The following CLTC variants were observed in gnomAD, a reference collection of about 807,000 sequenced individuals.
CLTC encodes clathrin heavy chain 1.
A neutral mutation model predicts 195.8 loss-of-function variants in CLTC; 16 were observed. That is an observed-to-expected ratio of 0.08 (90% CI 0.06 to 0.12). CLTC has a LOEUF of 0.12. Ranked by LOEUF, CLTC falls within the 10% of genes least tolerant of loss-of-function variation. CLTC has a pLI of 1.00. For missense variants in CLTC, 796 were observed against 2,027.0 expected, an observed-to-expected ratio of 0.39 and a Z score of 11.66; for synonymous variants, 667 against 689.4, an observed-to-expected ratio of 0.97 and a Z score of 0.51.
At chr17:59,638,706 C>T (rs775364485) in intron 1 of CLTC, among the ~76,000 whole-genome samples, 1 of 152,078 alleles carries the variant, frequency 6.6e-6, no homozygotes, top group East Asian at 1.9e-4. Context: ...AATCTAATGC[C>T]GTGGCTGAAA....
chr17:59,640,479 C>T (rs550232168), intron 1 of CLTC, among the ~76,000 whole-genome samples: 1 of 152,066 alleles, frequency 6.6e-6, no homozygotes, highest in African/African-American at 2.4e-5. Flanking sequence ...TCACTGCAAC[C>T]TCCGCCTCCC....
At chr17:59,658,982 A>G (rs897697246) in intron 6 of CLTC, among the ~76,000 whole-genome samples, 3 of 152,166 alleles carry the variant, frequency 2.0e-5, no homozygotes, top group Non-Finnish European at 4.4e-5. Context: ...GCAGACTGTT[A>G]CCTATCTATC....
chr17:59,684,101 G>C, intron 28 of CLTC, 116 bp downstream of exon 28: 2 of 637,136 alleles, frequency 3.1e-6, no homozygotes. Context: ...GCATACCTAG[G>C]ATCTAAATTT....
At chr17:59,633,412 G>C (rs1047284521) in intron 1 of CLTC, among the ~76,000 whole-genome samples, 2 of 152,242 alleles carry the variant, frequency 1.3e-5, no homozygotes, top group East Asian at 3.9e-4. Context: ...AGAATGGCTT[G>C]AACCCGGGAG....
Position 59,626,505 on chromosome 17 carries a change from G to C in CLTC, c.42+6332G>C, listed in dbSNP as rs555755111. Among the ~76,000 whole-genome samples the C allele has an allele frequency of 7.9e-5, 12 of 152,270 alleles. No individual in the cohort carries two copies. The South Asian group carries it at 1.2e-3, about 16-fold the overall frequency. Reference sequence around the variant, plus strand: ...TACCCATATGGAATGCCGGTCAGGCGATTGTTAGAGTTATTGTATGTGTTG... The same window carrying C: ...TACCCATATGGAATGCCGGTCAGGCCATTGTTAGAGTTATTGTATGTGTTG... On this transcript the variant is annotated intron_variant, in intron 1 of 31. Coordinates refer to ENST00000269122, the MANE Select transcript of CLTC (RefSeq NM_004859.4).
chr17:59,633,461 C>T (rs1365966581), intron 1 of CLTC, among the ~76,000 whole-genome samples: 1 of 152,068 alleles, frequency 6.6e-6, no homozygotes, highest in Non-Finnish European at 1.5e-5. Context: ...CCATTGCACT[C>T]CAGCCTGGGC....
intron 1 of CLTC, among the ~76,000 whole-genome samples, chr17:59,641,603 C>CAAAAAAAAA (rs34208843): frequency 6.1e-5 from 3 of 48,848 alleles, no homozygotes; most frequent in Admixed American, 3.2e-4. Flanking sequence ...GACTCCATCT[C>CAAAAAAAAA]AAAAAAAAAA....
At chr17:59,660,731 T>G in intron 7 of CLTC, 143 bp downstream of exon 7, 1 of 776,816 alleles carries the variant, frequency 1.3e-6, no homozygotes, top group Non-Finnish European at 2.1e-6. Flanking sequence ...TTAGTAGAAT[T>G]CCTTGTCAAT....
At chr17:59,661,693 A>T in intron 8 of CLTC, 50 bp downstream of exon 8, 1 of 1,529,608 alleles carries the variant, frequency 6.5e-7, no homozygotes, top group Non-Finnish European at 9.0e-7. Context: ...ATTAAATATG[A>T]TATTGGCAAG....
At chr17:59,684,658 T>G (rs561508153) in intron 28 of CLTC, 7 of 153,524 alleles carry the variant, frequency 4.6e-5, no homozygotes, top group African/African-American at 1.4e-4. Context: ...CCAAAAAAAT[T>G]AGCCGGTTGT....
chr17:59,668,425 C>CTGTA (rs1488099611), intron 13 of CLTC, among the ~76,000 whole-genome samples: 1 of 152,194 alleles, frequency 6.6e-6, no homozygotes, highest in African/African-American at 2.4e-5. Flanking sequence ...TGGCATGCAT[C>CTGTA]TGTAGTTCTA....
intron 5 of CLTC, among the ~76,000 whole-genome samples, chr17:59,651,988 C>A (rs2032339531): frequency 1.3e-5 from 2 of 152,210 alleles, no homozygotes; most frequent in South Asian, 2.1e-4. Flanking sequence ...CTGTAATAAT[C>A]TAAATCCTTT....
Position 59,685,008 on chromosome 17 carries a change from G to C in CLTC, c.4435-48G>C, listed in dbSNP as rs2033153884. 1 of 1,436,856 alleles carries C rather than the reference G, an allele frequency of 7.0e-7. No homozygotes were observed. The highest frequency in any genetic ancestry group is 2.3e-5 in the East Asian group (1 of 42,662). The allele number at this position is 1,436,856 out of a possible 1,614,324, so 89.0% of individuals were successfully genotyped here. ...TCATTGATTGAGAACGGAATATAAT[G>C]TTAAACAAAATACTGATCTGGCATT... is the stretch of plus-strand genomic sequence containing the variant. On this transcript the variant is annotated intron_variant, in intron 28 of 31. Transcript: ENST00000269122. The surrounding 1 kb of genome is among the most constrained non-coding windows in gnomAD (Gnocchi z 5.0).
chr17:59,635,167 T>C (rs1011952113), intron 1 of CLTC, among the ~76,000 whole-genome samples: 1 of 151,608 alleles, frequency 6.6e-6, no homozygotes, highest in African/African-American at 2.4e-5. Flanking sequence ...TTGCAGAAAA[T>C]AGCTCCATCT....
At chr17:59,684,082 T>A (rs1298471494) in intron 28 of CLTC, 97 bp downstream of exon 28, 2 of 726,606 alleles carry the variant, frequency 2.8e-6, no homozygotes, top group East Asian at 5.4e-5. Flanking sequence ...TTGTAAACAG[T>A]AGGTGCTTGC....
At chr17:59,658,190 G>A (rs1023392123) in intron 6 of CLTC, among the ~76,000 whole-genome samples, 6 of 152,038 alleles carry the variant, frequency 3.9e-5, no homozygotes, top group African/African-American at 1.4e-4. Flanking sequence ...GTAACAGAGC[G>A]AGACTCCGTC....
chr17:59,633,915 T>G (rs1024356873), intron 1 of CLTC, among the ~76,000 whole-genome samples: 4 of 152,180 alleles, frequency 2.6e-5, no homozygotes, highest in Admixed American at 2.6e-4. Context: ...ATAAGTATTA[T>G]ATATATTTTT....
intron 5 of CLTC, among the ~76,000 whole-genome samples, chr17:59,654,317 A>G (rs2032408098): frequency 6.6e-6 from 1 of 151,616 alleles, no homozygotes; most frequent in African/African-American, 2.4e-5. Flanking sequence ...CTGGGATTAC[A>G]GGCGCGCACC....
At position 59,620,125 on chromosome 17, in the gene CLTC, C is replaced by T; in HGVS notation, c.-7C>T. On this transcript the variant is annotated 5_prime_UTR_variant, in exon 1 of 32. Coordinates refer to ENST00000269122, the MANE Select transcript of CLTC (RefSeq NM_004859.4). ...GACAGGAGGAGACCATAACCCCCGACAGCGCCATGGCCCAGATTCTGCCAA... is the reference window on the plus strand; with the variant it reads ...GACAGGAGGAGACCATAACCCCCGATAGCGCCATGGCCCAGATTCTGCCAA... The T allele has an allele frequency of 1.2e-6, 2 of 1,614,126 alleles. No homozygotes were observed. The highest frequency in any genetic ancestry group is 1.7e-6 in the Non-Finnish European group (2 of 1,180,012).
Sources: gnomAD v4.1 joint callset for allele counts (sites outside exome capture counted in the v4.1 genomes callset) on GRCh38, gnomAD v4.1.1 for gene constraint, Gnocchi (gnomAD v3.1) non-coding constraint, MANE v1.5 for transcripts, NCBI Gene and HGNC (gene_info 2026-07-23, HGNC 2026-07-21) for gene names.